The following NDUFA10 variants were observed in gnomAD, a reference collection of about 807,000 sequenced individuals.
NDUFA10 encodes the protein NADH:ubiquinone oxidoreductase subunit A10.
A neutral mutation model predicts 47.8 loss-of-function variants in NDUFA10; 40 were observed. That is an observed-to-expected ratio of 0.84 (90% CI 0.65 to 1.09). The LOEUF (loss-of-function observed/expected upper bound fraction) is 1.09. NDUFA10 is among the 50% of genes least tolerant of loss of function. The pLI is 0.00. For synonymous variants in NDUFA10, 183 were observed against 172.2 expected (o/e 1.06, Z -0.49); for missense variants, 413 against 451.1 (o/e 0.92, Z 0.76).
chr2:239,965,586 G>A (rs1489360371), intron 9 of NDUFA10, among the ~76,000 whole-genome samples: 2 of 152,164 alleles, frequency 1.3e-5, no homozygotes, highest in East Asian at 1.9e-4. Flanking sequence ...GCTCGTTCAC[G>A]GTGCCCGGGT....
At chr2:239,978,620 CCCA>C (rs1695630562) in intron 9 of NDUFA10, among the ~76,000 whole-genome samples, 1 of 152,206 alleles carries the variant, frequency 6.6e-6, no homozygotes, top group Non-Finnish European at 1.5e-5. Context: ...TTCTGTCCCT[CCCA>C]CCAAGTGGTA....
At chr2:239,970,868 A>G (rs1246725439) in intron 9 of NDUFA10, among the ~76,000 whole-genome samples, 1 of 152,256 alleles carries the variant, frequency 6.6e-6, no homozygotes. Context: ...CTCACCTGCT[A>G]TTATATATGG....
intron 9 of NDUFA10, among the ~76,000 whole-genome samples, chr2:239,965,503 C>T (rs2106400051): frequency 1.3e-5 from 2 of 152,338 alleles, no homozygotes; most frequent in Middle Eastern, 6.8e-3. Context: ...CGTTCCCTCG[C>T]AGGGCAGCCT....
At chr2:239,953,972 C>T (rs529875933), downstream of NDUFA10, among the ~76,000 whole-genome samples, 1 of 152,312 alleles carries the variant, frequency 6.6e-6, no homozygotes, top group East Asian at 1.9e-4. Context: ...TGACCGACCG[C>T]CTCGGGGCTG....
Position 239,928,989 on chromosome 2 carries a change from C to T in NDUFA10, c.295-33675G>A, listed in dbSNP as rs1435585335. Among the ~76,000 whole-genome samples, 1 of 152,256 alleles carries T rather than the reference C, an allele frequency of 6.6e-6. No individual in the cohort carries two copies. The highest frequency in any genetic ancestry group is 6.5e-5 in the Admixed American group (1 of 15,288). On this transcript the variant is annotated intron_variant, in intron 4 of 5. Transcript: ENST00000419408. This position sits in a 1 kb window ranked among gnomAD's most constrained non-coding sequence, Gnocchi z 4.3. ...CTTCCTCCTGCACCTACTCCTGTCT[C>T]TGTCCAGTGCTCCCCACTGGCGCCC...
rs181926454 is a variant in NDUFA10, at chr2:240,001,336, C to T, written c.890+3874G>A. 5.1e-4 allele frequency among the ~76,000 whole-genome samples: 78 copies of T among 152,312 alleles called. 1 individual carries two copies. The South Asian group carries it at 7.3e-3, about 14-fold the overall frequency. On this transcript the variant is annotated intron_variant, in intron 8 of 9. Coordinates refer to ENST00000252711, the MANE Select transcript of NDUFA10 (RefSeq NM_004544.4). Reference sequence around the variant, plus strand: ...GAAATGTAAACACATCATGCATCTACAATCAGAGTATAATAATATACCATA... The same window carrying T: ...GAAATGTAAACACATCATGCATCTATAATCAGAGTATAATAATATACCATA...
chr2:239,898,219 T>C (rs72999711), intron 4 of NDUFA10, among the ~76,000 whole-genome samples: 19,240 of 152,166 alleles, frequency 0.13, 1,326 homozygotes, highest in South Asian at 0.18. Flanking sequence ...AATAAAATAA[T>C]GATGTTTATA....
intron 4 of NDUFA10, among the ~76,000 whole-genome samples, chr2:239,935,585 G>A (rs1277537150): frequency 6.6e-6 from 1 of 152,190 alleles, no homozygotes; most frequent in African/African-American, 2.4e-5. Context: ...GTGATGACAT[G>A]GTTTGGCTGT....
At chr2:239,918,688 G>C (rs542355111) in intron 4 of NDUFA10, among the ~76,000 whole-genome samples, 41 of 152,330 alleles carry the variant, frequency 2.7e-4, no homozygotes, top group African/African-American at 9.6e-4. Flanking sequence ...TTATTCCCAG[G>C]TGTGGGTAGG....
In NDUFA10 at chr2:239,945,145, C is replaced by A. The variant is rs192484169; in HGVS notation, c.294+44929G>T. On this transcript the variant is annotated intron_variant, in intron 4 of 5. Coordinates refer to the NDUFA10 transcript ENST00000419408. The surrounding 1 kb of genome is among the most constrained non-coding windows in gnomAD (Gnocchi z 4.6). ...CCAGGCACGTGTACAGCCATCAGAG[C>A]CCCGGCACCCCTCCCGCAGGAGGGC... 6.6e-6 allele frequency among the ~76,000 whole-genome samples: 1 copy of A among 152,116 alleles called. No homozygotes were observed. The highest frequency in any genetic ancestry group is 2.4e-5 in the African/African-American group (1 of 41,412).
chr2:239,909,409 G>C (rs990926658), intron 4 of NDUFA10, among the ~76,000 whole-genome samples: 2 of 152,156 alleles, frequency 1.3e-5, no homozygotes, highest in Non-Finnish European at 1.5e-5. Context: ...TCAGGAGTTC[G>C]AGACCAGTCT....
chr2:239,915,508 TAC>T (rs754661315), intron 4 of NDUFA10, among the ~76,000 whole-genome samples: 36 of 115,058 alleles, frequency 3.1e-4, no homozygotes, highest in Non-Finnish European at 5.5e-4. Flanking sequence ...CACACAAATA[TAC>T]AGACACACAC....
Position 239,958,779 on chromosome 2 carries a change from A to G in NDUFA10, c.*2339T>C, listed in dbSNP as rs1694730614. 1.4e-5 allele frequency: 4 copies of G among 290,602 alleles called. No homozygotes were observed. Among genetic ancestry groups the G allele is most frequent in the Non-Finnish European group, 2.1e-5 (4 of 194,618 alleles). 18.0% of individuals were successfully genotyped at this position (290,602 alleles called of 1,614,324 possible). A position where few individuals can be genotyped will look rare whatever the true frequency, so the allele number is the denominator to read the frequency against. On this transcript the variant is annotated 3_prime_UTR_variant, in exon 10 of 10. Transcript: ENST00000252711. Reference sequence around the variant, plus strand: ...GAAAAAAACAAGGACTTTCTTTTCAATACAGAATTCTCATGCCTGTAAACA... The same window carrying G: ...GAAAAAAACAAGGACTTTCTTTTCAGTACAGAATTCTCATGCCTGTAAACA...
intron 4 of NDUFA10, among the ~76,000 whole-genome samples, chr2:239,915,362 TACAG>T (rs1238137922): frequency 1.5e-5 from 2 of 131,054 alleles, no homozygotes; most frequent in African/African-American, 6.0e-5. Context: ...CACACAAATA[TACAG>T]ACACACACAG....
chr2:239,964,990 A>G (rs982963415), intron 9 of NDUFA10, among the ~76,000 whole-genome samples: 18 of 152,128 alleles, frequency 1.2e-4, no homozygotes, highest in African/African-American at 3.9e-4. Context: ...TTTTTCAATT[A>G]AAGTTGTCAT....
chr2:239,992,292 G>C (rs1359828979), intron 8 of NDUFA10, among the ~76,000 whole-genome samples: 1 of 152,112 alleles, frequency 6.6e-6, no homozygotes, highest in Non-Finnish European at 1.5e-5. Flanking sequence ...AAATATACTA[G>C]AGCTTGGTTA....
At chr2:240,015,142 C>T (rs1697297101) in intron 4 of NDUFA10, among the ~76,000 whole-genome samples, 1 of 152,198 alleles carries the variant, frequency 6.6e-6, no homozygotes. Flanking sequence ...AGGTCTGAGG[C>T]CCAGAGAAAT....
chr2:239,920,295 G>C (rs1693946899), intron 4 of NDUFA10, among the ~76,000 whole-genome samples: 2 of 152,214 alleles, frequency 1.3e-5, no homozygotes. Flanking sequence ...GCTGAGAATG[G>C]AATGTCCTTT....
chr2:240,009,633 C>T (rs187285461), intron 6 of NDUFA10, among the ~76,000 whole-genome samples: 214 of 152,288 alleles, frequency 1.4e-3, no homozygotes, highest in Non-Finnish European at 2.5e-3. Context: ...TGTATCAGCA[C>T]GTGACAGAGA....
Sources: gnomAD v4.1 joint callset for allele counts (sites outside exome capture counted in the v4.1 genomes callset) on GRCh38, gnomAD v4.1.1 for gene constraint, Gnocchi (gnomAD v3.1) non-coding constraint, MANE v1.5 for transcripts, NCBI Gene and HGNC (gene_info 2026-07-23, HGNC 2026-07-21) for gene names.